Variants in RPTOR observed in about 807,000 individuals in gnomAD.
RPTOR encodes regulatory associated protein of MTOR complex 1.
Under a neutral mutation model 169.9 loss-of-function variants are expected in RPTOR, and 21 were observed. The observed-to-expected ratio is 0.12, with a 90% confidence interval of 0.09 to 0.18. The LOEUF (loss-of-function observed/expected upper bound fraction) is 0.18, where lower values mean the gene tolerates loss of function less well. Among genes scored for constraint, RPTOR ranks in the 10% least tolerant of loss-of-function variants. The pLI, the probability that RPTOR is intolerant of heterozygous loss-of-function variation, is 1.00. For missense variants in RPTOR, 1,133 were observed against 1,855.9 expected (o/e 0.61, Z 7.16); for synonymous variants, 732 against 753.2 (o/e 0.97, Z 0.46).
intron 5 of RPTOR, among the ~76,000 whole-genome samples, chr17:80,743,818 G>GGTTACTAGCAC (rs2066517514): frequency 3.4e-5 from 1 of 29,064 alleles, no homozygotes; most frequent in African/African-American, 1.0e-4. Flanking sequence ...GCTACTAGCA[G>GGTTACTAGCAC]AGCCCTGGCT....
Position 80,925,499 on chromosome 17 carries a change from G to T in RPTOR, c.2919+19G>T, listed in dbSNP as rs113359790. The stretch of plus-strand genomic sequence containing the variant: ...CATGAAGGTGCGCCCGGGGTGTGGG[G>T]TTCAGAGTAGAGTCCTAGCGAACAT... On this transcript the variant is annotated intron_variant, in intron 24 of 33. Transcript: ENST00000306801. 1,783 of 1,585,300 alleles carry T rather than the reference G, an allele frequency of 1.1e-3. 16 individuals carry two copies. The African/African-American group carries it at 0.021, about 19-fold the overall frequency.
At chr17:80,855,073 T>C (rs1317054347) in intron 11 of RPTOR, among the ~76,000 whole-genome samples, 1 of 152,220 alleles carries the variant, frequency 6.6e-6, no homozygotes, top group East Asian at 1.9e-4. Context: ...CAGTGCATTG[T>C]TTAGTTTAAA....
At chr17:80,705,056 C>T (rs1278534003) in intron 3 of RPTOR, among the ~76,000 whole-genome samples, 1 of 152,234 alleles carries the variant, frequency 6.6e-6, no homozygotes, top group Non-Finnish European at 1.5e-5. Flanking sequence ...GGCCACGCAT[C>T]GACACCCCTC....
At chr17:80,603,706 C>T (rs1055024296) in intron 1 of RPTOR, among the ~76,000 whole-genome samples, 1 of 152,146 alleles carries the variant, frequency 6.6e-6, no homozygotes, top group Non-Finnish European at 1.5e-5. Flanking sequence ...AAGCCCCGCC[C>T]CCATGGAGGC....
At chr17:80,840,517 C>T (rs1378771301) in intron 10 of RPTOR, among the ~76,000 whole-genome samples, 4 of 122,636 alleles carry the variant, frequency 3.3e-5, no homozygotes, top group African/African-American at 6.2e-5. Flanking sequence ...GCTCACACCA[C>T]GGCAGCTCAC....
chr17:80,859,937 G>A (rs765442348), intron 13 of RPTOR, among the ~76,000 whole-genome samples: 3 of 151,986 alleles, frequency 2.0e-5, no homozygotes, highest in South Asian at 4.1e-4. Context: ...GGGCCCCTGC[G>A]CCGGGTCTGG....
chr17:80,865,311 C>T (rs559420021), intron 13 of RPTOR, among the ~76,000 whole-genome samples: 12 of 152,278 alleles, frequency 7.9e-5, no homozygotes, highest in African/African-American at 2.9e-4. Flanking sequence ...TAATCCTGCC[C>T]GTCACTGCAG....
intron 2 of RPTOR, among the ~76,000 whole-genome samples, chr17:80,638,654 C>A (rs1344659986): frequency 6.6e-6 from 1 of 152,128 alleles, no homozygotes. Flanking sequence ...ATTGGTGTCT[C>A]AAGGTGGTAT....
chr17:80,796,428 G>T (rs1280475130), intron 7 of RPTOR, among the ~76,000 whole-genome samples: 1 of 152,210 alleles, frequency 6.6e-6, no homozygotes, highest in African/African-American at 2.4e-5. Context: ...TTACAGTCAT[G>T]GCAGAAAGGG....
At chr17:80,851,090 G>A (rs987830992) in intron 11 of RPTOR, among the ~76,000 whole-genome samples, 5 of 152,086 alleles carry the variant, frequency 3.3e-5, no homozygotes, top group African/African-American at 9.7e-5. Context: ...CATCATGCCC[G>A]GCTCATTTTT....
At chr17:80,876,164 C>T (rs1250497529) in intron 13 of RPTOR, among the ~76,000 whole-genome samples, 2 of 131,700 alleles carry the variant, frequency 1.5e-5, no homozygotes, top group Admixed American at 1.4e-4. Context: ...CCACCGAGCC[C>T]GTGCCACGCA....
chr17:80,892,354 G>T (rs1453980839), intron 18 of RPTOR, among the ~76,000 whole-genome samples: 1 of 152,194 alleles, frequency 6.6e-6, no homozygotes, highest in East Asian at 1.9e-4. Flanking sequence ...GGAAGCCCAG[G>T]AGGGGAGAAG....
chr17:80,930,377 C>CATCCT, intron 24 of RPTOR, among the ~76,000 whole-genome samples: 1 of 3,374 alleles, frequency 3.0e-4, no homozygotes, highest in Non-Finnish European at 6.4e-4. Context: ...CAGCTCATCC[C>CATCCT]CAGCTCAGCT....
rs1000312120 is a variant in RPTOR at position 80,959,885 on chromosome 17, C to T, written c.3478-193C>T. Among the ~76,000 whole-genome samples, 9 of 152,152 alleles carry T rather than the reference C, an allele frequency of 5.9e-5. No individual in the cohort carries two copies. The highest frequency in any genetic ancestry group is 1.3e-4 in the Non-Finnish European group (9 of 68,016). ...GGGCGTGACTCATTGTCCTGCCAGCCCCTGCCTCTCCCTGGGACTCCTGGG... is the reference window on the plus strand; with the variant it reads ...GGGCGTGACTCATTGTCCTGCCAGCTCCTGCCTCTCCCTGGGACTCCTGGG... On this transcript the variant is annotated intron_variant, in intron 29 of 33. Transcript: ENST00000306801. This position sits in a 1 kb window ranked among gnomAD's most constrained non-coding sequence, Gnocchi z 6.7.
chr17:80,855,744 G>A (rs890417889), intron 12 of RPTOR, among the ~76,000 whole-genome samples, 197 bp downstream of exon 12: 4 of 152,208 alleles, frequency 2.6e-5, no homozygotes, highest in Non-Finnish European at 5.9e-5. Context: ...GCAGCCTGCA[G>A]TGCTGCCTGG....
chr17:80,846,442 C>T (rs1362371417), intron 10 of RPTOR, 31 bp from the exon 11 acceptor site: 1 of 1,606,272 alleles, frequency 6.2e-7, no homozygotes, highest in South Asian at 1.1e-5. Flanking sequence ...GAACATGGCC[C>T]TAACAAGCAC....
intron 20 of RPTOR, among the ~76,000 whole-genome samples, chr17:80,896,259 T>A (rs1243187718): frequency 6.6e-6 from 1 of 151,988 alleles, no homozygotes; most frequent in Non-Finnish European, 1.5e-5. Context: ...CTCCCGCCAG[T>A]GCTTCTCAGC....
rs114443945 is a variant in RPTOR at position 80,712,268 on chromosome 17, G to A, written c.507+4269G>A. 9.1e-3 allele frequency among the ~76,000 whole-genome samples: 1,381 copies of A among 152,202 alleles called. 19 individuals are homozygous for A. Among genetic ancestry groups the A allele is most frequent in the African/African-American group, 0.028 (1,148 of 41,506 alleles). On this transcript the variant is annotated intron_variant, in intron 4 of 33. Transcript: ENST00000306801. The stretch of plus-strand genomic sequence containing the variant: ...AGGGCTCACTCCTAGTGATGTACAT[G>A]CTGCAGATTTTGCTGAATGTGTGAT...
chr17:80,905,254 T>C (rs145471497), intron 20 of RPTOR, among the ~76,000 whole-genome samples: 5 of 152,216 alleles, frequency 3.3e-5, no homozygotes, highest in African/African-American at 1.2e-4. Context: ...AATCCATGGA[T>C]GTAGAGGGCC....
Sources: gnomAD v4.1 joint callset for allele counts (sites outside exome capture counted in the v4.1 genomes callset) on GRCh38, gnomAD v4.1.1 for gene constraint, Gnocchi (gnomAD v3.1) non-coding constraint, MANE v1.5 for transcripts, NCBI Gene and HGNC (gene_info 2026-07-23, HGNC 2026-07-21) for gene names.